The following SNX29 variants were observed in gnomAD, a reference collection of about 807,000 sequenced individuals.
SNX29 encodes sorting nexin 29, also known as sorting nexin-29.
A neutral mutation model predicts 102.1 loss-of-function variants in SNX29; 78 were observed. That is an observed-to-expected ratio of 0.76 (90% CI 0.64 to 0.92). The LOEUF is 0.92. Ranked by LOEUF, SNX29 falls within the 40% of genes least tolerant of loss-of-function variation. SNX29 has a pLI of 0.00. For missense variants in SNX29, 1,280 were observed against 1,061.7 expected (o/e 1.21, Z -2.86); for synonymous variants, 580 against 414.5 (o/e 1.40, Z -4.85).
In SNX29 at chr16:12,000,936, A is replaced by C. The variant is rs1179874236; in HGVS notation, c.69+1578A>C. ...GCTGAGGGAATTGGATTGTTAAAGT[A>C]GGTAAAGGGCCTGGACAGAGCCTGG... is the stretch of plus-strand genomic sequence containing the variant. On this transcript the variant is annotated intron_variant, in intron 2 of 20. Transcript: ENST00000566228. Among the ~76,000 whole-genome samples the C allele has an allele frequency of 2.0e-5, 3 of 152,182 alleles. No individual in the cohort carries two copies. The East Asian group carries it at 5.8e-4, about 29-fold the overall frequency.
At chr16:12,397,285 C>G (rs766153857) in intron 16 of SNX29, among the ~76,000 whole-genome samples, 1 of 152,218 alleles carries the variant, frequency 6.6e-6, no homozygotes, top group South Asian at 2.1e-4. Context: ...TTCAGTCTTT[C>G]TTTTTTCACC....
chr16:12,036,704 A>G (rs2151156973), intron 4 of SNX29, among the ~76,000 whole-genome samples: 1 of 152,148 alleles, frequency 6.6e-6, no homozygotes, highest in South Asian at 2.1e-4. Context: ...CAGTGTTGTC[A>G]CATTGATGAG....
At chr16:12,303,461 T>C (rs2080245583) in intron 15 of SNX29, among the ~76,000 whole-genome samples, 1 of 152,200 alleles carries the variant, frequency 6.6e-6, no homozygotes, top group African/African-American at 2.4e-5. Context: ...TAATGAAAAT[T>C]GTGTGGCTCG....
rs77618228 is a variant in SNX29 at position 12,153,835 on chromosome 16, T to C, written c.1595+24077T>C. Among the ~76,000 whole-genome samples, 1,170 of 152,280 alleles carry C rather than the reference T, an allele frequency of 7.7e-3. 16 individuals carry two copies. Among genetic ancestry groups the C allele is most frequent in the African/African-American group, 0.027 (1,115 of 41,548 alleles). ...ATGCAGCTTTTTCCAGAAAGTTTTA[T>C]GTAGCAAGCCGGTGTGACAGGAAGA... On this transcript the variant is annotated intron_variant, in intron 13 of 20. Coordinates refer to ENST00000566228, the MANE Select transcript of SNX29 (RefSeq NM_032167.5).
At chr16:11,983,585 T>C (rs2055478093) in intron 1 of SNX29, 1 of 927,590 alleles carries the variant, frequency 1.1e-6, no homozygotes, top group Non-Finnish European at 1.3e-6. Flanking sequence ...TGATCTATGA[T>C]GGTGGAATGC....
chr16:12,179,518 T>C (rs1596444773), intron 13 of SNX29, among the ~76,000 whole-genome samples: 1 of 152,234 alleles, frequency 6.6e-6, no homozygotes, highest in Non-Finnish European at 1.5e-5. Flanking sequence ...TTCCCTGTTT[T>C]CTTCCATTTT....
chr16:12,129,189 C>T (rs1408618174), intron 12 of SNX29, among the ~76,000 whole-genome samples: 2 of 152,176 alleles, frequency 1.3e-5, no homozygotes, highest in African/African-American at 2.4e-5. Context: ...AGTATATATT[C>T]TATTTTTATG....
intron 14 of SNX29, among the ~76,000 whole-genome samples, chr16:12,222,199 T>G (rs2142121227): frequency 6.6e-6 from 1 of 152,196 alleles, no homozygotes. Context: ...ACAGAGCAAA[T>G]TAGGAAACAG....
intron 18 of SNX29, among the ~76,000 whole-genome samples, chr16:12,470,821 C>T (rs1007853301): frequency 1.1e-4 from 17 of 152,148 alleles, no homozygotes; most frequent in African/African-American, 2.7e-4. Context: ...CAAAGGCAGC[C>T]GATGATGAAG....
chr16:12,183,574 C>CTTCTTTCCGAAGT (rs1334222070), intron 13 of SNX29, among the ~76,000 whole-genome samples: 2 of 152,186 alleles, frequency 1.3e-5, no homozygotes, highest in African/African-American at 2.4e-5. Flanking sequence ...TTTCCCTGAA[C>CTTCTTTCCGAAGT]TCTTCTGCAC....
chr16:12,044,506 A>T (rs183095061), intron 5 of SNX29, among the ~76,000 whole-genome samples: 1 of 152,220 alleles, frequency 6.6e-6, no homozygotes, highest in Non-Finnish European at 1.5e-5. Flanking sequence ...TCACGGTCAG[A>T]GTTCGGAGGC....
chr16:12,562,960 A>G (rs2078812974), intron 20 of SNX29, among the ~76,000 whole-genome samples: 1 of 133,194 alleles, frequency 7.5e-6, no homozygotes, highest in Non-Finnish European at 1.6e-5. Flanking sequence ...ACATTCACCC[A>G]ACACAAGGGG....
At chr16:12,231,950 A>C (rs897417702) in intron 14 of SNX29, among the ~76,000 whole-genome samples, 10 of 152,186 alleles carry the variant, frequency 6.6e-5, no homozygotes, top group Non-Finnish European at 2.9e-5. Context: ...TATGTGTTTC[A>C]GGGGTTTTTC....
intron 20 of SNX29, among the ~76,000 whole-genome samples, chr16:12,543,256 C>G (rs1465574807): frequency 1.3e-5 from 2 of 152,192 alleles, no homozygotes; most frequent in Non-Finnish European, 2.9e-5. Flanking sequence ...AATGATGCAG[C>G]TCTGGGTCAT....
In SNX29 at chr16:12,061,523, C is replaced by T; in HGVS notation, c.1125-5C>T. On this transcript the variant is annotated splice_polypyrimidine_tract_variant and splice_region_variant and intron_variant, in intron 8 of 20. Transcript: ENST00000566228. ...CTGTCCTGCAGCTGTATTCTTTCAC[C>T]TTAGGCCACTGGAAGGGAACACCTG... 6.3e-7 allele frequency: 1 copy of T among 1,589,596 alleles called. No homozygotes were observed. Among genetic ancestry groups the T allele is most frequent in the South Asian group, 1.2e-5 (1 of 86,870 alleles).
chr16:12,287,337 G>A lies in SNX29; in HGVS notation c.1782+9301G>A, dbSNP rs570078612. On this transcript the variant is annotated intron_variant, in intron 15 of 20. Transcript: ENST00000566228. The stretch of plus-strand genomic sequence containing the variant: ...CCTTCCCTAAGGAAGGTCTCTGAAG[G>A]AAGAGGAGGCAGGCTGTATCTCACA... 3.9e-5 allele frequency among the ~76,000 whole-genome samples: 6 copies of A among 152,312 alleles called. No individual in the cohort carries two copies. The East Asian group carries it at 9.7e-4, about 25-fold the overall frequency.
chr16:12,280,195 A>G (rs12919195), intron 15 of SNX29, among the ~76,000 whole-genome samples: 12,215 of 152,254 alleles, frequency 0.08, 655 homozygotes, highest in South Asian at 0.29. Context: ...ACAGAGGCTG[A>G]GTACAAGGAA....
intron 13 of SNX29, among the ~76,000 whole-genome samples, chr16:12,179,661 C>G (rs570968357): frequency 2.6e-5 from 4 of 152,136 alleles, no homozygotes; most frequent in Admixed American, 1.3e-4. Flanking sequence ...TGGTATGTTG[C>G]TAGTCGTTTA....
intron 20 of SNX29, chr16:12,557,460 C>G (rs571604739): frequency 6.6e-6 from 1 of 152,288 alleles, no homozygotes; most frequent in East Asian, 1.9e-4. Context: ...CTCCTGGGTT[C>G]AAGCAATTCT....
Sources: allele counts gnomAD v4.1 joint callset (sites outside exome capture counted in the v4.1 genomes callset), GRCh38; gene constraint gnomAD v4.1.1; transcripts MANE v1.5; gene names NCBI Gene and HGNC (gene_info 2026-07-23, HGNC 2026-07-21).